VIPR2: variants seen among roughly 807,000 people sequenced by gnomAD.
VIPR2 encodes vasoactive intestinal polypeptide receptor 2.
A neutral mutation model predicts 58.0 loss-of-function variants in VIPR2; 48 were observed. That is an observed-to-expected ratio of 0.83 (90% CI 0.66 to 1.05). VIPR2 has a LOEUF of 1.05. Ranked by LOEUF, VIPR2 falls within the 50% of genes least tolerant of loss-of-function variation. VIPR2 has a pLI of 0.00. For synonymous variants in VIPR2, 243 were observed against 235.2 expected (o/e 1.03, Z -0.30); for missense variants, 534 against 558.0 (o/e 0.96, Z 0.43).
intron 2 of VIPR2, chr7:159,117,468 T>G: frequency 1.4e-6 from 1 of 712,970 alleles, no homozygotes; most frequent in South Asian, 1.5e-5. Flanking sequence ...ACAAAGGCAA[T>G]GCAGGACGTC....
chr7:159,089,555 GC>G (rs1453644117), intron 4 of VIPR2, among the ~76,000 whole-genome samples: 2 of 152,244 alleles, frequency 1.3e-5, no homozygotes, highest in African/African-American at 4.8e-5. Flanking sequence ...AGCACAGTAA[GC>G]CCTTAACAAC....
intron 5 of VIPR2, among the ~76,000 whole-genome samples, chr7:159,046,976 T>C (rs779338427): frequency 6.6e-6 from 1 of 152,260 alleles, no homozygotes; most frequent in Non-Finnish European, 1.5e-5. Context: ...GGCTCATGCC[T>C]GTAATCCCAG....
At position 159,043,170 on chromosome 7, in the gene VIPR2, C is replaced by T. The variant is rs1355281548; in HGVS notation, c.462G>A (p.Leu154=). ...GGTGGATGTAATTCCTGGTGCAGTG[C>T]AGCTTCCTGAGGTGGGGGAGTGGGA... ...GSIILCLFRK[L]HCTRNYIHLN... Residue 154 remains leucine (L), a synonymous_variant, in exon 6 of 13, where the codon CTG becomes CTA. Transcript: ENST00000262178. The T allele has an allele frequency of 1.9e-6, 3 of 1,607,216 alleles. No homozygotes were observed. The highest frequency in any genetic ancestry group is 1.7e-6 in the Non-Finnish European group (2 of 1,177,254).
At chr7:159,126,811 T>C (rs73527890) in intron 2 of VIPR2, among the ~76,000 whole-genome samples, 5,965 of 152,280 alleles carry the variant, frequency 0.039, 397 homozygotes, top group African/African-American at 0.14. Context: ...TTGGCAGTAA[T>C]GAGCATTCGT....
intron 2 of VIPR2, among the ~76,000 whole-genome samples, chr7:159,131,024 C>T (rs757518049): frequency 1.3e-5 from 2 of 152,154 alleles, no homozygotes; most frequent in Non-Finnish European, 2.9e-5. Context: ...AGACAGAATG[C>T]GCTGCCTCCG....
Position 159,030,699 on chromosome 7 carries a change from G to T in VIPR2, c.1234C>A (p.Arg412Ser). The T allele has an allele frequency of 6.3e-7, 1 of 1,585,766 alleles. No individual in the cohort carries two copies. The highest frequency in any genetic ancestry group is 8.6e-7 in the Non-Finnish European group (1 of 1,167,372). The change falls in exon 13 of 13, where the codon CGC (arginine) becomes AGC (serine). Residue 412 changes from arginine (R) to serine (S), a missense_variant. This residue lies in a region of VIPR2 where 306 missense variants were observed against 285.8 expected (regional missense o/e 1.07). Transcript: ENST00000262178. Reference sequence around the variant, plus strand: ...TGCAGGGCGCCCTCCGAGCCGTTGCGGGAGAAGGAGGAACCGCAGACCCTG... The same window carrying T: ...TGCAGGGCGCCCTCCGAGCCGTTGCTGGAGAAGGAGGAACCGCAGACCCTG... Reference protein sequence around the residue: ...DYRVCGSSFSRNGSEGALQFH... With the variant: ...DYRVCGSSFSSNGSEGALQFH...
intron 4 of VIPR2, chr7:159,059,208 C>T (rs775132746): frequency 3.4e-5 from 16 of 470,624 alleles, no homozygotes; most frequent in Non-Finnish European, 6.2e-5. Context: ...TCTATGACAA[C>T]AGGGAATCCT....
intron 6 of VIPR2, among the ~76,000 whole-genome samples, chr7:159,041,736 C>G (rs575797924): frequency 6.6e-6 from 1 of 151,398 alleles, no homozygotes; most frequent in Admixed American, 6.6e-5. Context: ...CGTTGAGGGT[C>G]TGCCATGGGT....
chr7:159,091,614 C>T (rs73169239), intron 4 of VIPR2, among the ~76,000 whole-genome samples: 1 of 152,164 alleles, frequency 6.6e-6, no homozygotes, highest in African/African-American at 2.4e-5. Context: ...CTCACACAGT[C>T]CGGTTCCCCC....
At chr7:159,063,329 C>A (rs988541337) in intron 4 of VIPR2, among the ~76,000 whole-genome samples, 2 of 152,156 alleles carry the variant, frequency 1.3e-5, no homozygotes, top group Non-Finnish European at 2.9e-5. Context: ...ACACTGCCAG[C>A]AGGCCGGCAC....
intron 2 of VIPR2, among the ~76,000 whole-genome samples, chr7:159,122,838 CT>C (rs956412222): frequency 5.3e-5 from 8 of 151,968 alleles, no homozygotes; most frequent in African/African-American, 1.9e-4. Context: ...GTGGGAAAAT[CT>C]TTTTTTTAAC....
rs1853608993 is a variant in VIPR2 at position 159,031,888 on chromosome 7, G to T, written c.1102-19C>A. ...CCAGGCCCTGCAATGAGAAGAGATG[G>T]TCAGGCAGGACCCGCGCTCGGGGGA... On this transcript the variant is annotated intron_variant, in intron 11 of 12. Coordinates refer to ENST00000262178, the MANE Select transcript of VIPR2 (RefSeq NM_003382.5). The surrounding 1 kb of genome is among the most constrained non-coding windows in gnomAD (Gnocchi z 4.0). 2 of 1,614,090 alleles carry T rather than the reference G, an allele frequency of 1.2e-6. No homozygotes were observed. The highest frequency in any genetic ancestry group is 2.2e-5 in the South Asian group (2 of 91,082).
intron 8 of VIPR2, chr7:159,035,602 T>G: frequency 9.5e-6 from 8 of 845,182 alleles, no homozygotes; most frequent in Non-Finnish European, 1.0e-5. Context: ...CACCATCACC[T>G]GACCTTCCAC....
intron 2 of VIPR2, among the ~76,000 whole-genome samples, chr7:159,120,299 T>G (rs918337844): frequency 6.6e-6 from 1 of 152,124 alleles, no homozygotes; most frequent in Non-Finnish European, 1.5e-5. Context: ...CAGGCAAGGA[T>G]GCCTGGTGCA....
At chr7:159,103,923 C>A in intron 3 of VIPR2, 69 bp from the exon 4 acceptor site, 1 of 1,350,866 alleles carries the variant, frequency 7.4e-7, no homozygotes, top group Non-Finnish European at 1.1e-6. Flanking sequence ...GACCTTAGTC[C>A]GTGCTGAGCC....
At chr7:159,134,539 A>AAATT (rs1797115238) in intron 2 of VIPR2, among the ~76,000 whole-genome samples, 1 of 152,222 alleles carries the variant, frequency 6.6e-6, no homozygotes, top group African/African-American at 2.4e-5. Context: ...CTGACAAAAG[A>AAATT]AATTTTATGT....
At chr7:159,103,665 A>AAT in intron 4 of VIPR2, 92 bp downstream of exon 4, 1 of 999,758 alleles carries the variant, frequency 1.0e-6, no homozygotes, top group Non-Finnish European at 1.6e-6. Flanking sequence ...TTTAGGGGAA[A>AAT]AATCTACATA....
intron 2 of VIPR2, among the ~76,000 whole-genome samples, chr7:159,133,816 C>T (rs1055950618): frequency 6.6e-6 from 1 of 152,104 alleles, no homozygotes; most frequent in Non-Finnish European, 1.5e-5. Flanking sequence ...AAGGAACTAA[C>T]CCAATGGTTT....
chr7:159,042,950 C>A, intron 6 of VIPR2, 85 bp downstream of exon 6: 1 of 1,501,218 alleles, frequency 6.7e-7, no homozygotes, highest in Non-Finnish European at 9.0e-7. Context: ...AACCCTGCAC[C>A]AGCACAGAGA....
Sources: allele counts gnomAD v4.1 joint callset (sites outside exome capture counted in the v4.1 genomes callset), GRCh38; gene constraint gnomAD v4.1.1; regional missense constraint gnomAD v4.1.1; non-coding constraint Gnocchi (gnomAD v3.1); transcripts MANE v1.5; gene names NCBI Gene and HGNC (gene_info 2026-07-23, HGNC 2026-07-21).